The following RIMS1 variants were observed in gnomAD, a reference collection of about 807,000 sequenced individuals.
RIMS1 encodes regulating synaptic membrane exocytosis 1, also known as regulating synaptic membrane exocytosis protein 1.
RIMS1 carries 83 observed loss-of-function variants against 214.1 expected under a neutral mutation model. The observed-to-expected ratio is 0.39, with a 90% CI of 0.32 to 0.47. The LOEUF (loss-of-function observed/expected upper bound fraction) is 0.47, where lower values mean the gene tolerates loss of function less well. Ranked by LOEUF, RIMS1 falls within the 20% of genes least tolerant of loss-of-function variation. The pLI, the probability that RIMS1 is intolerant of heterozygous loss-of-function variation, is 0.99. For synonymous variants in RIMS1, 793 were observed against 786.8 expected (o/e 1.01, Z -0.13); for missense variants, 2,050 against 2,161.8 (o/e 0.95, Z 1.03).
intron 3 of RIMS1, among the ~76,000 whole-genome samples, chr6:72,097,525 A>G (rs2032150278): frequency 6.6e-6 from 1 of 152,206 alleles, no homozygotes; most frequent in African/African-American, 2.4e-5. Flanking sequence ...ACTACTTTTG[A>G]TTTCTGTAAC....
At chr6:72,070,414 G>A (rs1830332439) in intron 2 of RIMS1, among the ~76,000 whole-genome samples, 1 of 152,016 alleles carries the variant, frequency 6.6e-6, no homozygotes, top group South Asian at 2.1e-4. Flanking sequence ...TGGAGGAAAG[G>A]CATTATAATA....
intron 2 of RIMS1, among the ~76,000 whole-genome samples, chr6:72,014,382 T>A (rs968581463): frequency 1.3e-5 from 2 of 152,230 alleles, no homozygotes; most frequent in African/African-American, 2.4e-5. Flanking sequence ...CCAAACCATA[T>A]CATTTAGCAT....
At chr6:72,264,852 G>T in intron 19 of RIMS1, 123 bp from the exon 20 acceptor site, 2 of 580,444 alleles carry the variant, frequency 3.4e-6, no homozygotes, top group South Asian at 2.3e-5. Context: ...GTTCTTTTGA[G>T]AAAAAAATGA....
intron 2 of RIMS1, among the ~76,000 whole-genome samples, chr6:72,068,858 C>T (rs1340636937): frequency 6.6e-6 from 1 of 151,746 alleles, no homozygotes; most frequent in Admixed American, 6.6e-5. Flanking sequence ...TTGCAGTGAG[C>T]CGAGATCGCG....
chr6:72,151,058 T>A (rs531964318), intron 4 of RIMS1, among the ~76,000 whole-genome samples: 1 of 152,344 alleles, frequency 6.6e-6, no homozygotes, highest in East Asian at 1.9e-4. Flanking sequence ...TTTTCTTTTT[T>A]TTGAGACGGA....
At chr6:71,930,009 G>A (rs1782588457) in intron 1 of RIMS1, among the ~76,000 whole-genome samples, 1 of 152,082 alleles carries the variant, frequency 6.6e-6, no homozygotes, top group Non-Finnish European at 1.5e-5. Context: ...AGTATTGCCA[G>A]ATTAAGATAG....
intron 6 of RIMS1, chr6:72,216,464 T>C (rs1399250019): frequency 2.0e-6 from 2 of 985,332 alleles, no homozygotes; most frequent in Admixed American, 1.2e-4. Flanking sequence ...AGAAGCACTT[T>C]TGCCTGTGTT....
intron 2 of RIMS1, among the ~76,000 whole-genome samples, chr6:72,039,290 A>G (rs1820772995): frequency 6.6e-6 from 1 of 152,112 alleles, no homozygotes; most frequent in Admixed American, 6.6e-5. Context: ...AATGATTCTT[A>G]TATATTTTTG....
At chr6:72,079,384 T>C (rs2153766694) in intron 2 of RIMS1, among the ~76,000 whole-genome samples, 1 of 152,302 alleles carries the variant, frequency 6.6e-6, no homozygotes, top group Admixed American at 6.5e-5. Context: ...GTCAGGTGGA[T>C]ACTTCATTCA....
intron 2 of RIMS1, among the ~76,000 whole-genome samples, chr6:72,014,478 T>A (rs1460831156): frequency 6.6e-6 from 1 of 152,256 alleles, no homozygotes; most frequent in Non-Finnish European, 1.5e-5. Context: ...TTCCATTGTA[T>A]GGATATACCA....
intron 2 of RIMS1, among the ~76,000 whole-genome samples, chr6:72,000,744 C>A (rs560592840): frequency 6.6e-6 from 1 of 152,138 alleles, no homozygotes; most frequent in African/African-American, 2.4e-5. Context: ...TGTTTATTGT[C>A]ATCAGACTTC....
intron 4 of RIMS1, among the ~76,000 whole-genome samples, chr6:72,109,652 G>A (rs1223049754): frequency 6.6e-6 from 1 of 152,054 alleles, no homozygotes; most frequent in Non-Finnish European, 1.5e-5. Context: ...TTTGTAGGTT[G>A]CCTGTTCACT....
chr6:71,978,309 G>T (rs1052547359), intron 2 of RIMS1, among the ~76,000 whole-genome samples: 6 of 152,132 alleles, frequency 3.9e-5, no homozygotes, highest in African/African-American at 1.2e-4. Flanking sequence ...ATTACTGTAG[G>T]TATACTTATA....
chr6:72,294,258 T>C (rs1174492238), intron 26 of RIMS1, among the ~76,000 whole-genome samples: 2 of 151,816 alleles, frequency 1.3e-5, no homozygotes, highest in African/African-American at 4.8e-5. Flanking sequence ...TAGCATGTTC[T>C]ATTTAAGATT....
intron 4 of RIMS1, among the ~76,000 whole-genome samples, chr6:72,120,642 A>C (rs535969653): frequency 1.9e-3 from 292 of 151,866 alleles, no homozygotes; most frequent in Middle Eastern, 6.8e-3. Context: ...GCTGTGCAGA[A>C]GCTCTTTAGT....
chr6:71,969,560 G>A (rs1009501650), intron 2 of RIMS1, among the ~76,000 whole-genome samples: 3 of 152,176 alleles, frequency 2.0e-5, no homozygotes, highest in African/African-American at 7.2e-5. Context: ...CGTAATCCCA[G>A]CACTTTTGAA....
intron 1 of RIMS1, among the ~76,000 whole-genome samples, chr6:71,893,855 T>C (rs1212387708): frequency 2.0e-5 from 3 of 152,190 alleles, no homozygotes; most frequent in Admixed American, 6.5e-5. Flanking sequence ...ATAGAGCTGT[T>C]TAAAAGGAAG....
At chr6:72,098,988 C>T (rs2032805939) in intron 3 of RIMS1, among the ~76,000 whole-genome samples, 1 of 152,190 alleles carries the variant, frequency 6.6e-6, no homozygotes, top group African/African-American at 2.4e-5. Context: ...GGAATACATT[C>T]TTACAGGTAA....
intron 4 of RIMS1, among the ~76,000 whole-genome samples, chr6:72,147,353 T>C (rs1446914317): frequency 6.6e-6 from 1 of 152,186 alleles, no homozygotes; most frequent in Non-Finnish European, 1.5e-5. Context: ...AGTTTCTTAA[T>C]TGGATTACTG....
Sources: gnomAD v4.1 joint callset for allele counts (sites outside exome capture counted in the v4.1 genomes callset) on GRCh38, gnomAD v4.1.1 for gene constraint, MANE v1.5 for transcripts, NCBI Gene and HGNC (gene_info 2026-07-23, HGNC 2026-07-21) for gene names.